BRINP1: variants seen among roughly 807,000 people sequenced by gnomAD.
The protein encoded by BRINP1 is BMP/retinoic acid inducible neural specific 1.
Under a neutral mutation model 72.9 loss-of-function variants are expected in BRINP1, and 17 were observed. That is an observed-to-expected ratio of 0.23 (90% CI 0.16 to 0.35). The LOEUF (loss-of-function observed/expected upper bound fraction) is 0.35. Among genes scored for constraint, BRINP1 ranks in the 10% least tolerant of loss-of-function variants. The pLI is 1.00. For missense variants in BRINP1, 850 were observed against 1,001.6 expected (o/e 0.85, Z 2.04); for synonymous variants, 418 against 378.5 (o/e 1.10, Z -1.21).
chr9:119,253,264 A>G (rs1830411884), intron 2 of BRINP1, among the ~76,000 whole-genome samples: 1 of 152,236 alleles, frequency 6.6e-6, no homozygotes, highest in South Asian at 2.1e-4. Flanking sequence ...ACTACTAGGC[A>G]TATACCCAAA....
At chr9:119,331,666 T>C (rs1831301411) in intron 1 of BRINP1, among the ~76,000 whole-genome samples, 1 of 152,208 alleles carries the variant, frequency 6.6e-6, no homozygotes, top group Admixed American at 6.5e-5. Context: ...AGACCTCCAT[T>C]GATTACACAG....
intron 5 of BRINP1, among the ~76,000 whole-genome samples, chr9:119,232,168 C>G (rs1193999197): frequency 6.6e-6 from 1 of 152,172 alleles, no homozygotes; most frequent in African/African-American, 2.4e-5. Context: ...TGACTTCTCT[C>G]TCTCACAAAT....
At chr9:119,180,473 CTGTGCATGTG>C (rs1829541987) in intron 7 of BRINP1, among the ~76,000 whole-genome samples, 1 of 116,858 alleles carries the variant, frequency 8.6e-6, no homozygotes, top group African/African-American at 4.3e-5. Flanking sequence ...GTGACTCTCT[CTGTGCATGTG>C]TGTGTGTGTG....
chr9:119,241,965 C>T lies in BRINP1; in HGVS notation c.579+82G>A, dbSNP rs186704388. 436 of 1,440,646 alleles carry T rather than the reference C, an allele frequency of 3.0e-4. 1 individual carries two copies. The highest frequency in any genetic ancestry group is 1.4e-5 in the Non-Finnish European group (15 of 1,052,470). 89.2% of individuals were successfully genotyped at this position (1,440,646 alleles called of 1,614,324 possible). ...ATGGTTATGAACCCAGAAATTACAT[C>T]TGTCCATCCACTCTCAGAATGCCTG... On this transcript the variant is annotated intron_variant, in intron 4 of 7. Transcript: ENST00000265922.
At chr9:119,311,287 C>T (rs1029841618) in intron 2 of BRINP1, among the ~76,000 whole-genome samples, 3 of 152,216 alleles carry the variant, frequency 2.0e-5, no homozygotes, top group Admixed American at 2.0e-4. Context: ...GGGTTGAACT[C>T]TGTCATTTAA....
intron 3 of BRINP1, among the ~76,000 whole-genome samples, chr9:119,243,192 A>G (rs1460586575): frequency 6.6e-6 from 1 of 151,902 alleles, no homozygotes; most frequent in African/African-American, 2.4e-5. Flanking sequence ...TGCATTAGCT[A>G]TTTTTCCTAA....
At chr9:119,199,442 G>A (rs530383857) in intron 7 of BRINP1, among the ~76,000 whole-genome samples, 40 of 152,178 alleles carry the variant, frequency 2.6e-4, no homozygotes, top group African/African-American at 9.2e-4. Context: ...CAGAAGCTAC[G>A]GCCCCAGCAT....
chr9:119,176,715 C>T (rs1829494203), intron 7 of BRINP1, among the ~76,000 whole-genome samples: 1 of 152,110 alleles, frequency 6.6e-6, no homozygotes, highest in Non-Finnish European at 1.5e-5. Context: ...GTACTCTTAT[C>T]CCAGAAAATA....
At chr9:119,350,056 G>T (rs956262985) in intron 1 of BRINP1, among the ~76,000 whole-genome samples, 5 of 152,086 alleles carry the variant, frequency 3.3e-5, no homozygotes, top group African/African-American at 1.2e-4. Flanking sequence ...ACATGTTTGG[G>T]TGCTCTTTAG....
At chr9:119,358,871 G>A (rs76673245) in intron 1 of BRINP1, among the ~76,000 whole-genome samples, 16,233 of 152,094 alleles carry the variant, frequency 0.11, 1,149 homozygotes, top group Middle Eastern at 0.15. Flanking sequence ...GTTCTCCCAC[G>A]CCTTATTCTA....
Position 119,166,805 on chromosome 9 carries a change from A to G in BRINP1, c.*279T>C, listed in dbSNP as rs1248928603. On this transcript the variant is annotated 3_prime_UTR_variant, in exon 8 of 8. Coordinates refer to ENST00000265922, the MANE Select transcript of BRINP1 (RefSeq NM_014618.3). Reference sequence around the variant, plus strand: ...CATATGCTTTCTCCCTTCTCCCCCAATACAGCACCTGAGGCCTAAGAAGCA... The same window carrying G: ...CATATGCTTTCTCCCTTCTCCCCCAGTACAGCACCTGAGGCCTAAGAAGCA... 2 of 365,816 alleles carry G rather than the reference A, an allele frequency of 5.5e-6. No homozygotes were observed. The highest frequency in any genetic ancestry group is 1.0e-5 in the Non-Finnish European group (2 of 200,832). The allele number at this position is 365,816 out of a possible 1,614,324, so 22.7% of individuals were successfully genotyped here.
At chr9:119,237,900 T>C (rs1830208578) in intron 5 of BRINP1, among the ~76,000 whole-genome samples, 1 of 152,110 alleles carries the variant, frequency 6.6e-6, no homozygotes. Context: ...GACCTCGTGA[T>C]CCACCCACCT....
intron 7 of BRINP1, among the ~76,000 whole-genome samples, chr9:119,192,945 A>T (rs1346394792): frequency 6.6e-6 from 1 of 152,040 alleles, no homozygotes; most frequent in Admixed American, 6.6e-5. Flanking sequence ...AAAATACCAA[A>T]ATCTGATGAT....
chr9:119,315,259 C>A (rs1831113576), intron 1 of BRINP1, among the ~76,000 whole-genome samples: 1 of 151,790 alleles, frequency 6.6e-6, no homozygotes, highest in South Asian at 2.1e-4. Context: ...CTGTTAACAC[C>A]AATTTTCCAA....
At chr9:119,363,325 C>G (rs1831654865) in intron 1 of BRINP1, among the ~76,000 whole-genome samples, 1 of 152,222 alleles carries the variant, frequency 6.6e-6, no homozygotes, top group Middle Eastern at 3.4e-3. Context: ...TGGTCTCAAA[C>G]ACCTGGGCTC....
At position 119,361,453 on chromosome 9, in the gene BRINP1, C is replaced by A. The variant is rs1176438227; in HGVS notation, c.-51+7603G>T. On this transcript the variant is annotated intron_variant, in intron 1 of 7. Transcript: ENST00000265922. ...ATGGCATAGAATCACTATCTCACCA[C>A]CACTCAGCCACACTGTCTCGAAACA... 3.3e-5 allele frequency among the ~76,000 whole-genome samples: 5 copies of A among 152,234 alleles called. No homozygotes were observed. The East Asian group carries it at 9.7e-4, about 29-fold the overall frequency.
intron 6 of BRINP1, among the ~76,000 whole-genome samples, chr9:119,212,832 G>T (rs185812606): frequency 6.6e-6 from 1 of 152,054 alleles, no homozygotes. Context: ...AATCTTTCAG[G>T]GTGTTCTAGC....
At chr9:119,353,694 A>G (rs992531550) in intron 1 of BRINP1, among the ~76,000 whole-genome samples, 5 of 152,080 alleles carry the variant, frequency 3.3e-5, no homozygotes, top group African/African-American at 1.2e-4. Flanking sequence ...GTATCCAATA[A>G]TTGAGGGCCT....
At chr9:119,364,401 A>C (rs1831669119) in intron 1 of BRINP1, among the ~76,000 whole-genome samples, 1 of 152,228 alleles carries the variant, frequency 6.6e-6, no homozygotes. Flanking sequence ...TATTATTGGC[A>C]TTACAAAAAG....
Sources: allele counts gnomAD v4.1 joint callset (sites outside exome capture counted in the v4.1 genomes callset), GRCh38; gene constraint gnomAD v4.1.1; transcripts MANE v1.5; gene names NCBI Gene and HGNC (gene_info 2026-07-23, HGNC 2026-07-21).